SMIM10L1: variants seen among roughly 807,000 people sequenced by gnomAD.
SMIM10L1 encodes the protein small integral membrane protein 10 like 1, also known as small integral membrane protein 10-like protein 1.
A neutral mutation model predicts 4.5 loss-of-function variants in SMIM10L1; 6 were observed. The ratio of observed to expected loss-of-function variants is 1.33; its 90% CI spans 0.73 to 2.62. SMIM10L1 has a LOEUF of 2.62. Among genes scored for constraint, SMIM10L1 ranks in the 30% most tolerant of loss-of-function variants. The pLI, the probability that SMIM10L1 is intolerant of heterozygous loss-of-function variation, is 0.00. For synonymous variants in SMIM10L1, 49 were observed against 42.2 expected, an observed-to-expected ratio of 1.16 and a Z score of -0.63; for missense variants, 66 against 86.2, an observed-to-expected ratio of 0.77 and a Z score of 0.93.
Position 11,175,610 on chromosome 12 carries a change from T to C in SMIM10L1, c.*4047T>C, listed in dbSNP as rs1193589257. 2 of 152,194 alleles carry C rather than the reference T, an allele frequency of 1.3e-5. No homozygotes were observed. The highest frequency in any genetic ancestry group is 2.9e-5 in the Non-Finnish European group (2 of 68,032). 9.4% of individuals were successfully genotyped at this position (152,194 alleles called of 1,614,324 possible). On this transcript the variant is annotated 3_prime_UTR_variant, in exon 1 of 1. Coordinates refer to ENST00000622602, the MANE Select transcript of SMIM10L1 (RefSeq NM_001271592.2). ...AAGAAAAGAACCTCTGCAAGAACTA[T>C]GAGAATTCCCAACAATTGGGTTGGA...
rs546890821 is a variant in SMIM10L1 at position 11,173,846 on chromosome 12, G to A, written c.*2283G>A. ...CTATATCCTATTCAATTTTACACCC[G>A]GTAGTAACAGTATGTGTGTGTACTG... On this transcript the variant is annotated 3_prime_UTR_variant, in exon 1 of 1. Transcript: ENST00000622602. 6.6e-6 allele frequency: 1 copy of A among 151,522 alleles called. No homozygotes were observed. The highest frequency in any genetic ancestry group is 2.1e-4 in the South Asian group (1 of 4,788). The allele number at this position is 151,522 out of a possible 1,614,324, so 9.4% of individuals were successfully genotyped here.
Position 11,171,723 on chromosome 12 carries a change from G to A in SMIM10L1, c.*160G>A, listed in dbSNP as rs1377955675. 2.2e-6 allele frequency: 1 copy of A among 448,182 alleles called. No individual in the cohort carries two copies. The highest frequency in any genetic ancestry group is 3.7e-6 in the Non-Finnish European group (1 of 273,124). The allele number at this position is 448,182 out of a possible 1,614,324, so 27.8% of individuals were successfully genotyped here. On this transcript the variant is annotated 3_prime_UTR_variant, in exon 1 of 1. Transcript: ENST00000622602. ...CTTAGCTGCTAGCGGAGCTCCTCAG[G>A]GGGCGGCCGGGAGCCTACAATCCCT... is the stretch of plus-strand genomic sequence containing the variant.
At position 11,175,912 on chromosome 12, in the gene SMIM10L1, A is replaced by G. The variant is rs1271938058; in HGVS notation, c.*4349A>G. 1 of 152,216 alleles carries G rather than the reference A, an allele frequency of 6.6e-6. No homozygotes were observed. Among genetic ancestry groups the G allele is most frequent in the Non-Finnish European group, 1.5e-5 (1 of 68,036 alleles). 9.4% of individuals were successfully genotyped at this position (152,216 alleles called of 1,614,324 possible). ...AGGTTATAGGGAAAAGTCATCTATG[A>G]ACAAGGAAATGAACCCTCACCAGAT... On this transcript the variant is annotated 3_prime_UTR_variant, in exon 1 of 1. Transcript: ENST00000622602.
In SMIM10L1 at chr12:11,175,548, T is replaced by C. The variant is rs1947935581; in HGVS notation, c.*3985T>C. The C allele has an allele frequency of 6.6e-6, 1 of 152,214 alleles. No homozygotes were observed. The allele number at this position is 152,214 out of a possible 1,614,324, so 9.4% of individuals were successfully genotyped here. On this transcript the variant is annotated 3_prime_UTR_variant, in exon 1 of 1. Transcript: ENST00000622602. ...TTGGAAGTTTGAGCATGGAAAGTAG[T>C]CTAAAGACGACTTGGGAAGTTCCAA...
rs1158967789 is a variant in SMIM10L1, at chr12:11,173,601, TG to T, written c.*2039del. The T allele has an allele frequency of 1.3e-5, 2 of 152,206 alleles. No homozygotes were observed. The highest frequency in any genetic ancestry group is 2.9e-5 in the Non-Finnish European group (2 of 68,018). The allele number at this position is 152,206 out of a possible 1,614,324, so 9.4% of individuals were successfully genotyped here. The stretch of plus-strand genomic sequence containing the variant: ...AGGGATTTAGAATCGTGGACATCAC[TG>T]TTTCCCAGAGCACTGATGTCCCAAT... On this transcript the variant is annotated 3_prime_UTR_variant, in exon 1 of 1. Transcript: ENST00000622602.
In SMIM10L1 at chr12:11,171,306, C is replaced by A; in HGVS notation, c.-51C>A. On this transcript the variant is annotated 5_prime_UTR_variant, in exon 1 of 1. Transcript: ENST00000622602. ...CAGCCGTCGCTAGGAGGTCCGCGGG[C>A]CCTGCGGCAACCCTCGCTACAGACG... 8.6e-7 allele frequency: 1 copy of A among 1,162,986 alleles called. No individual in the cohort carries two copies. The highest frequency in any genetic ancestry group is 1.1e-6 in the Non-Finnish European group (1 of 924,880). The allele number at this position is 1,162,986 out of a possible 1,614,324, so 72.0% of individuals were successfully genotyped here. A position where few individuals can be genotyped will look rare whatever the true frequency, so the allele number is the denominator to read the frequency against.
rs1947930021 is a variant in SMIM10L1, at chr12:11,175,152, C to T, written c.*3589C>T. 1 of 93,000 alleles carries T rather than the reference C, an allele frequency of 1.1e-5. No homozygotes were observed. 5.8% of individuals were successfully genotyped at this position (93,000 alleles called of 1,614,324 possible). Reference sequence around the variant, plus strand: ...TATGTAAGTTCAAGTATTTTATACTCTCTGCAGCCTTAAACCTATTGGCTT... The same window carrying T: ...TATGTAAGTTCAAGTATTTTATACTTTCTGCAGCCTTAAACCTATTGGCTT... On this transcript the variant is annotated 3_prime_UTR_variant, in exon 1 of 1. Transcript: ENST00000622602.
Position 11,174,181 on chromosome 12 carries a change from GACAAA to G in SMIM10L1, c.*2623_*2627del, listed in dbSNP as rs1001132920. On this transcript the variant is annotated 3_prime_UTR_variant, in exon 1 of 1. Coordinates refer to ENST00000622602, the MANE Select transcript of SMIM10L1 (RefSeq NM_001271592.2). ...ATGCAATTCAGTGAAATTCCCAGGA[GACAAA>G]ACAAGATTTTGACCTGAATAAACCA... 1 of 151,956 alleles carries G rather than the reference GACAAA, an allele frequency of 6.6e-6. No homozygotes were observed. Among genetic ancestry groups the G allele is most frequent in the Non-Finnish European group, 1.5e-5 (1 of 67,954 alleles). 9.4% of individuals were successfully genotyped at this position (151,956 alleles called of 1,614,324 possible).
rs1947886147 is a variant in SMIM10L1, at chr12:11,172,906, A to G, written c.*1343A>G. ...ACGCTGGGAGGATGGGAGAAAAGAG[A>G]TGTGTGTGTGTGTAATGGTGGTGAG... On this transcript the variant is annotated 3_prime_UTR_variant, in exon 1 of 1. Transcript: ENST00000622602. The G allele has an allele frequency of 1.3e-5, 2 of 151,878 alleles. No homozygotes were observed. Among genetic ancestry groups the G allele is most frequent in the South Asian group, 2.1e-4 (1 of 4,818 alleles). 9.4% of individuals were successfully genotyped at this position (151,878 alleles called of 1,614,324 possible). A position where few individuals can be genotyped will look rare whatever the true frequency, so the allele number is the denominator to read the frequency against.
Position 11,171,425 on chromosome 12 carries a change from G to C in SMIM10L1, c.69G>C (p.Ser23=). ...CAAGCCCCGCCGCGACACCCACCTC[G>C]TACGGCGTCTTCTGCAAGGGGCTCT... ...RASSPAATPT[S]YGVFCKGLSR... Residue 23 remains serine (S), a synonymous_variant, in exon 1 of 1, where the codon TCG becomes TCC. Coordinates refer to ENST00000622602, the MANE Select transcript of SMIM10L1 (RefSeq NM_001271592.2). 8.1e-7 allele frequency: 1 copy of C among 1,232,036 alleles called. No homozygotes were observed. Among genetic ancestry groups the C allele is most frequent in the Non-Finnish European group, 1.0e-6 (1 of 987,924 alleles). 76.3% of individuals were successfully genotyped at this position (1,232,036 alleles called of 1,614,324 possible).
Position 11,172,991 on chromosome 12 carries a change from A to G in SMIM10L1, c.*1428A>G, listed in dbSNP as rs760452695. 9.9e-5 allele frequency: 15 copies of G among 152,282 alleles called. 1 individual carries two copies. The highest frequency in any genetic ancestry group is 1.9e-4 in the Non-Finnish European group (13 of 68,004). The allele number at this position is 152,282 out of a possible 1,614,324, so 9.4% of individuals were successfully genotyped here. ...AGGAGTATACACATGTTTTCTTCGG[A>G]TTAAAAAAACTAATAATAAATCACC... is the stretch of plus-strand genomic sequence containing the variant. On this transcript the variant is annotated 3_prime_UTR_variant, in exon 1 of 1. Transcript: ENST00000622602.
Position 11,171,348 on chromosome 12 carries a change from A to C in SMIM10L1, c.-9A>C. On this transcript the variant is annotated 5_prime_UTR_variant, in exon 1 of 1. Transcript: ENST00000622602. Reference sequence around the variant, plus strand: ...CTACAGACGCTGGGCGGGCGGCGACACCTGGCTCATGGCCCCCGCGGCGGC... The same window carrying C: ...CTACAGACGCTGGGCGGGCGGCGACCCCTGGCTCATGGCCCCCGCGGCGGC... 1 of 1,231,366 alleles carries C rather than the reference A, an allele frequency of 8.1e-7. No homozygotes were observed. 76.3% of individuals were successfully genotyped at this position (1,231,366 alleles called of 1,614,324 possible). A position where few individuals can be genotyped will look rare whatever the true frequency, so the allele number is the denominator to read the frequency against.
Position 11,173,547 on chromosome 12 carries a change from G to A in SMIM10L1, c.*1984G>A, listed in dbSNP as rs1277846098. 2 of 152,180 alleles carry A rather than the reference G, an allele frequency of 1.3e-5. No homozygotes were observed. Among genetic ancestry groups the A allele is most frequent in the African/African-American group, 2.4e-5 (1 of 41,436 alleles). 9.4% of individuals were successfully genotyped at this position (152,180 alleles called of 1,614,324 possible). On this transcript the variant is annotated 3_prime_UTR_variant, in exon 1 of 1. Coordinates refer to ENST00000622602, the MANE Select transcript of SMIM10L1 (RefSeq NM_001271592.2). ...CATTTTAGTCTAAAATATCAGAAGT[G>A]TAGTTTAATCAATGAAATAGTAATA...
chr12:11,174,033 T>C lies in SMIM10L1; in HGVS notation c.*2470T>C, dbSNP rs1387129700. On this transcript the variant is annotated 3_prime_UTR_variant, in exon 1 of 1. Transcript: ENST00000622602. ...CATAAAGTTACAGCTTACATTTACC[T>C]CGTAATATATGTATATATATATATT... The C allele has an allele frequency of 1.4e-5, 2 of 144,774 alleles. No individual in the cohort carries two copies. Among genetic ancestry groups the C allele is most frequent in the African/African-American group, 5.1e-5 (2 of 39,374 alleles). The allele number at this position is 144,774 out of a possible 1,614,324, so 9.0% of individuals were successfully genotyped here. A position where few individuals can be genotyped will look rare whatever the true frequency, so the allele number is the denominator to read the frequency against.
Position 11,171,546 on chromosome 12 carries a change from T to C in SMIM10L1, c.190T>C (p.Leu64=), listed in dbSNP as rs948886678. The part of the protein sequence containing the change: ...VAGSVILNIR[L]QVHI ...GGGCTCGGTGATCCTCAACATCCGA[T>C]TGCAGGTACATATTTAGAGCCATGA... is the stretch of plus-strand genomic sequence containing the variant. The change falls in exon 1 of 1, where the codon TTG becomes CTG. Residue 64 remains leucine (L), a synonymous_variant. Coordinates refer to ENST00000622602, the MANE Select transcript of SMIM10L1 (RefSeq NM_001271592.2). The C allele has an allele frequency of 8.1e-7, 1 of 1,232,164 alleles. No individual in the cohort carries two copies. The allele number at this position is 1,232,164 out of a possible 1,614,324, so 76.3% of individuals were successfully genotyped here. A position where few individuals can be genotyped will look rare whatever the true frequency, so the allele number is the denominator to read the frequency against.
chr12:11,172,075 A>G lies in SMIM10L1; in HGVS notation c.*512A>G, dbSNP rs905874034. 6.6e-6 allele frequency: 1 copy of G among 152,272 alleles called. No homozygotes were observed. Among genetic ancestry groups the G allele is most frequent in the South Asian group, 2.1e-4 (1 of 4,834 alleles). The allele number at this position is 152,272 out of a possible 1,614,324, so 9.4% of individuals were successfully genotyped here. ...CGGTGAAAAAAACGCAAAACTGTACAGGAAAATCATCCTCCAAGTACCAGA... is the reference window on the plus strand; with the variant it reads ...CGGTGAAAAAAACGCAAAACTGTACGGGAAAATCATCCTCCAAGTACCAGA... On this transcript the variant is annotated 3_prime_UTR_variant, in exon 1 of 1. Coordinates refer to ENST00000622602, the MANE Select transcript of SMIM10L1 (RefSeq NM_001271592.2).
At position 11,171,200 on chromosome 12, in the gene SMIM10L1, G is replaced by A; in HGVS notation, c.-157G>A. The A allele has an allele frequency of 4.8e-6, 2 of 419,862 alleles. No homozygotes were observed. Among genetic ancestry groups the A allele is most frequent in the East Asian group, 3.6e-5 (1 of 28,046 alleles). The allele number at this position is 419,862 out of a possible 1,614,324, so 26.0% of individuals were successfully genotyped here. On this transcript the variant is annotated 5_prime_UTR_variant, in exon 1 of 1. Coordinates refer to ENST00000622602, the MANE Select transcript of SMIM10L1 (RefSeq NM_001271592.2). ...GAGCGCCAGCGGCGCCCGGGGCTAC[G>A]CGCCGCACTGCACCGAGCGGCGGCA...
At position 11,173,483 on chromosome 12, in the gene SMIM10L1, A is replaced by G. The variant is rs557330458; in HGVS notation, c.*1920A>G. On this transcript the variant is annotated 3_prime_UTR_variant, in exon 1 of 1. Coordinates refer to ENST00000622602, the MANE Select transcript of SMIM10L1 (RefSeq NM_001271592.2). ...ATCGTGCATCAACTGTCTGTTTTATATACCCAAGACAGGTTTCCTAGACTG... is the reference window on the plus strand; with the variant it reads ...ATCGTGCATCAACTGTCTGTTTTATGTACCCAAGACAGGTTTCCTAGACTG... The G allele has an allele frequency of 5.9e-5, 9 of 152,340 alleles. No individual in the cohort carries two copies. Among genetic ancestry groups the G allele is most frequent in the African/African-American group, 2.2e-4 (9 of 41,578 alleles). The allele number at this position is 152,340 out of a possible 1,614,324, so 9.4% of individuals were successfully genotyped here. A position where few individuals can be genotyped will look rare whatever the true frequency, so the allele number is the denominator to read the frequency against.
rs1340876792 is a variant in SMIM10L1 at position 11,175,784 on chromosome 12, C to T, written c.*4221C>T. 6.6e-6 allele frequency: 1 copy of T among 152,166 alleles called. No individual in the cohort carries two copies. Among genetic ancestry groups the T allele is most frequent in the Admixed American group, 6.5e-5 (1 of 15,276 alleles). The allele number at this position is 152,166 out of a possible 1,614,324, so 9.4% of individuals were successfully genotyped here. The stretch of plus-strand genomic sequence containing the variant: ...AAGTGATGATCTCAGGAGATGGGAC[C>T]TTTGGGAGGTGATCAGGTCATAAAG... On this transcript the variant is annotated 3_prime_UTR_variant, in exon 1 of 1. Transcript: ENST00000622602.
Sources: allele counts gnomAD v4.1 joint callset, GRCh38; gene constraint gnomAD v4.1.1; transcripts MANE v1.5; gene names NCBI Gene and HGNC (gene_info 2026-07-23, HGNC 2026-07-21).